PHEX: variants seen among roughly 807,000 people sequenced by gnomAD.
The protein encoded by PHEX is phosphate regulating endopeptidase X-linked.
In PHEX, 16 loss-of-function variants were observed where a neutral mutation model predicts 68.0. The observed-to-expected ratio is 0.24, with a 90% CI of 0.16 to 0.36. The LOEUF (loss-of-function observed/expected upper bound fraction) is 0.36, where lower values mean the gene tolerates loss of function less well. Ranked by LOEUF, PHEX falls within the 10% of genes least tolerant of loss-of-function variation. PHEX has a pLI of 1.00. For missense variants in PHEX, 480 were observed against 575.5 expected, an observed-to-expected ratio of 0.83 and a Z score of 1.70; for synonymous variants, 208 against 205.1, an observed-to-expected ratio of 1.01 and a Z score of -0.12.
At chrX:22,145,037 AG>A (rs1226230499) in intron 12 of PHEX, among the ~76,000 whole-genome samples, 1 of 111,983 alleles carries the variant, frequency 8.9e-6, no homozygotes, top group African/African-American at 3.2e-5. Flanking sequence ...TCTTTGGATA[AG>A]AAGACTTCAT....
At position 22,083,110 on chromosome X, in the gene PHEX, G is replaced by A. The variant is rs746028881; in HGVS notation, c.663+5408G>A. On this transcript the variant is annotated intron_variant, in intron 5 of 21. Transcript: ENST00000379374. ...CAAGCAATGGGTAAAGGACTGTGGT[G>A]CTGGGATAACTGGCTAGCCATATGC... Among the ~76,000 whole-genome samples the A allele has an allele frequency of 3.8e-3, 429 of 112,205 alleles. 2 individuals are homozygous for A. The highest frequency in any genetic ancestry group is 0.013 in the African/African-American group (406 of 30,916).
chrX:22,100,266 A>C (rs1466944895), intron 9 of PHEX, among the ~76,000 whole-genome samples: 1 of 111,577 alleles, frequency 9.0e-6, no homozygotes, highest in African/African-American at 3.3e-5. Context: ...TCCTCCATTG[A>C]GTCTGATCCA....
chrX:22,155,034 C>G (rs1047514184), intron 12 of PHEX, among the ~76,000 whole-genome samples: 1 of 112,459 alleles, frequency 8.9e-6, no homozygotes, highest in Non-Finnish European at 1.9e-5. Flanking sequence ...GCCTCAGCCT[C>G]CCACGTAGCT....
intron 2 of PHEX, among the ~76,000 whole-genome samples, chrX:22,045,903 T>C (rs1431898126): frequency 8.9e-6 from 1 of 112,746 alleles, no homozygotes; most frequent in Non-Finnish European, 1.9e-5. Flanking sequence ...AATTTGAAAG[T>C]ATTTTGTAAA....
chrX:22,176,780 A>T (rs1455979177), intron 13 of PHEX, among the ~76,000 whole-genome samples: 1 of 111,340 alleles, frequency 9.0e-6, no homozygotes, highest in Non-Finnish European at 1.9e-5. Context: ...TTCCTCATAG[A>T]TACAACTTAC....
intron 12 of PHEX, among the ~76,000 whole-genome samples, chrX:22,153,508 AAC>A (rs1463068733): frequency 1.8e-5 from 2 of 112,033 alleles, no homozygotes; most frequent in Admixed American, 9.5e-5. Context: ...CAGGACAGAG[AAC>A]ACAGAGTGGG....
chrX:22,089,519 C>A (rs1189446867), intron 5 of PHEX, among the ~76,000 whole-genome samples: 1 of 108,975 alleles, frequency 9.2e-6, no homozygotes, highest in Non-Finnish European at 1.9e-5. Flanking sequence ...CTCCCAGGTT[C>A]AAGCAATTCT....
chrX:22,064,018 A>T (rs1489148067), intron 3 of PHEX, among the ~76,000 whole-genome samples: 1 of 112,884 alleles, frequency 8.9e-6, no homozygotes, highest in African/African-American at 3.2e-5. Context: ...CAACTGTAAG[A>T]TGCACCATTG....
chrX:22,103,832 A>G (rs1239136444), intron 9 of PHEX, among the ~76,000 whole-genome samples: 2 of 112,279 alleles, frequency 1.8e-5, no homozygotes, highest in Non-Finnish European at 3.8e-5. Context: ...CAGTAGTGGT[A>G]TTGCTGGATC....
chrX:22,157,408 T>A (rs886085905), intron 12 of PHEX, among the ~76,000 whole-genome samples: 4 of 112,367 alleles, frequency 3.6e-5, no homozygotes, highest in Non-Finnish European at 7.5e-5. Flanking sequence ...CTAAGGACGA[T>A]GGGTGTGTTG....
chrX:22,128,360 C>T (rs1020813783), intron 11 of PHEX, among the ~76,000 whole-genome samples: 6 of 110,678 alleles, frequency 5.4e-5, no homozygotes, highest in Non-Finnish European at 9.4e-5. Flanking sequence ...ACTGCACCCG[C>T]CCTGAAAACC....
At chrX:22,066,483 C>G (rs919323151) in intron 3 of PHEX, among the ~76,000 whole-genome samples, 4 of 112,388 alleles carry the variant, frequency 3.6e-5, no homozygotes, top group Non-Finnish European at 7.5e-5. Context: ...CACCCCCACT[C>G]ATGGGGCAAA....
chrX:22,183,258 T>G (rs1317886882), intron 14 of PHEX, among the ~76,000 whole-genome samples: 1 of 111,257 alleles, frequency 9.0e-6, no homozygotes, highest in African/African-American at 3.3e-5. Flanking sequence ...TGATTACCAC[T>G]TCTCCCTCTT....
At chrX:22,052,528 G>A (rs1267607272) in intron 3 of PHEX, among the ~76,000 whole-genome samples, 4 of 111,624 alleles carry the variant, frequency 3.6e-5, no homozygotes, top group South Asian at 3.7e-4. Flanking sequence ...GTACTCAGCC[G>A]GATATACTAT....
At chrX:22,244,871 T>C (rs1486108636) in intron 20 of PHEX, among the ~76,000 whole-genome samples, 1 of 111,529 alleles carries the variant, frequency 9.0e-6, no homozygotes, top group Non-Finnish European at 1.9e-5. Flanking sequence ...GATGGAGAAG[T>C]GTACTTCAGT....
chrX:22,051,537 A>G (rs1927834916), intron 3 of PHEX, among the ~76,000 whole-genome samples: 1 of 112,004 alleles, frequency 8.9e-6, no homozygotes, highest in Non-Finnish European at 1.9e-5. Context: ...TCTCAAAAAA[A>G]ACAAAAAACA....
intron 5 of PHEX, among the ~76,000 whole-genome samples, chrX:22,079,280 T>C (rs1366633875): frequency 8.9e-6 from 1 of 111,867 alleles, no homozygotes; most frequent in Non-Finnish European, 1.9e-5. Context: ...CTTTAAACTT[T>C]TTATTATTAA....
chrX:22,204,825 T>C (rs1001957572), intron 15 of PHEX, among the ~76,000 whole-genome samples: 1 of 111,263 alleles, frequency 9.0e-6, no homozygotes, highest in Admixed American at 9.6e-5. Flanking sequence ...AGAAGGACAA[T>C]AATGTAGATA....
rs1322662992 is a variant in PHEX at position 22,094,000 on chromosome X, C to T, written c.750C>T (p.Tyr250=). Residue 250 remains tyrosine, a synonymous_variant, in exon 7 of 22, where the codon TAC becomes TAT. Transcript: ENST00000379374. ...TEAKSYRDAL[Y]KFMVDTAVLL... is the part of the protein sequence containing the mutation. Reference sequence around the variant, plus strand: ...TCTTACAGTATCGGGATGCCCTTTACAAGTTCATGGTGGATACTGCCGTGC... The same window carrying T: ...TCTTACAGTATCGGGATGCCCTTTATAAGTTCATGGTGGATACTGCCGTGC... 1.1e-5 allele frequency: 13 copies of T among 1,191,681 alleles called. No individual in the cohort carries two copies. Among genetic ancestry groups the T allele is most frequent in the Non-Finnish European group, 1.5e-5 (13 of 879,292 alleles).
Sources: gnomAD v4.1 joint callset for allele counts (sites outside exome capture counted in the v4.1 genomes callset) on GRCh38, gnomAD v4.1.1 for gene constraint, MANE v1.5 for transcripts, NCBI Gene and HGNC (gene_info 2026-07-23, HGNC 2026-07-21) for gene names.